Variants in MMP28 observed in about 807,000 individuals in gnomAD.
MMP28 encodes matrix metallopeptidase 28, also known as matrix metalloproteinase-28.
MMP28 carries 55 observed loss-of-function variants against 60.5 expected under a neutral mutation model. The observed-to-expected ratio is 0.91, with a 90% CI of 0.73 to 1.14. MMP28 has a LOEUF of 1.14. Among genes scored for constraint, MMP28 ranks in the 50% most tolerant of loss-of-function variants. MMP28 has a pLI of 0.00. For synonymous variants in MMP28, 318 were observed against 312.5 expected, an observed-to-expected ratio of 1.02 and a Z score of -0.18; for missense variants, 686 against 738.3, an observed-to-expected ratio of 0.93 and a Z score of 0.82.
At chr17:35,794,514 G>C (rs1042007585) in intron 1 of MMP28, among the ~76,000 whole-genome samples, 2 of 152,020 alleles carry the variant, frequency 1.3e-5, no homozygotes, top group African/African-American at 4.8e-5. Flanking sequence ...CCAAAGTGCT[G>C]GGATTACAGG....
At chr17:35,784,728 T>C (rs2086601626) in intron 1 of MMP28, among the ~76,000 whole-genome samples, 1 of 152,108 alleles carries the variant, frequency 6.6e-6, no homozygotes, top group Admixed American at 6.5e-5. Flanking sequence ...TTGGGGGCCA[T>C]TTTCCTTCTA....
chr17:35,769,929 A>G (rs2086067327), intron 5 of MMP28, 138 bp downstream of exon 5: 4 of 1,186,574 alleles, frequency 3.4e-6, no homozygotes, highest in Non-Finnish European at 4.6e-6. Flanking sequence ...GGGCTTTAGA[A>G]TTGGGACGAA....
At chr17:35,773,425 G>C in intron 3 of MMP28, 21 bp from the exon 4 acceptor site, 3 of 1,560,552 alleles carry the variant, frequency 1.9e-6, no homozygotes, top group Non-Finnish European at 2.6e-6. Context: ...GAAAGCCCAC[G>C]TCAGTCACAC....
chr17:35,795,314 C>G lies in MMP28; in HGVS notation c.64G>C (p.Ala22Pro). The change falls in exon 1 of 8, where the codon GCC (alanine) becomes CCC (proline). Residue 22 changes from alanine to proline, a missense_variant. Coordinates refer to ENST00000605424, the MANE Select transcript of MMP28 (RefSeq NM_024302.5). Reference sequence around the variant, plus strand: ...TGGCCTCCGCGCTCCGCGGGCTGGGCGTCCAGGTGGCCCCACAGTAGCAGC... The same window carrying G: ...TGGCCTCCGCGCTCCGCGGGCTGGGGGTCCAGGTGGCCCCACAGTAGCAGC... ...LQLLLWGHLD[A>P]QPAERGGQEL... The G allele has an allele frequency of 2.7e-6, 4 of 1,465,510 alleles. No individual in the cohort carries two copies. Among genetic ancestry groups the G allele is most frequent in the Non-Finnish European group, 3.6e-6 (4 of 1,109,328 alleles). The allele number at this position is 1,465,510 out of a possible 1,614,324, so 90.8% of individuals were successfully genotyped here.
In MMP28 at chr17:35,786,699, C is replaced by CAAAAA. The variant is rs200165337; in HGVS notation, c.112-7381_112-7377dup. ...GCCTCATAGTGAGATCCTGTCTCTA[C>CAAAAA]AAAAAAAAAAAAAAAAGATGAATGA... On this transcript the variant is annotated intron_variant, in intron 1 of 7. Coordinates refer to ENST00000605424, the MANE Select transcript of MMP28 (RefSeq NM_024302.5). Among the ~76,000 whole-genome samples the CAAAAA allele has an allele frequency of 6.2e-4, 44 of 71,062 alleles. 2 individuals are homozygous for CAAAAA. The highest frequency in any genetic ancestry group is 2.2e-3 in the African/African-American group (35 of 15,760). The allele number at this position is 71,062 out of a possible 152,430, so 46.6% of individuals were successfully genotyped here. A position where few individuals can be genotyped will look rare whatever the true frequency, so the allele number is the denominator to read the frequency against.
intron 3 of MMP28, among the ~76,000 whole-genome samples, chr17:35,775,897 G>A (rs763760763): frequency 5.3e-5 from 8 of 151,918 alleles, no homozygotes; most frequent in Non-Finnish European, 1.0e-4. Flanking sequence ...TTTTTGAGAC[G>A]GAGTCTTGCT....
At chr17:35,783,494 A>C (rs1339813613) in intron 1 of MMP28, among the ~76,000 whole-genome samples, 1 of 152,182 alleles carries the variant, frequency 6.6e-6, no homozygotes, top group Admixed American at 6.5e-5. Flanking sequence ...GGATGGACAG[A>C]GGACTTTCTA....
intron 1 of MMP28, among the ~76,000 whole-genome samples, chr17:35,785,474 G>A (rs546893798): frequency 6.6e-6 from 1 of 152,116 alleles, no homozygotes; most frequent in South Asian, 2.1e-4. Flanking sequence ...TTGAGACAGA[G>A]TCTCACTCTG....
chr17:35,760,818 G>T, intron 2 of MMP28: 1 of 1,182,804 alleles, frequency 8.5e-7, no homozygotes, highest in South Asian at 1.3e-5. Flanking sequence ...GGCAGGTGAG[G>T]TTCTAGCCCC....
rs537490377 is a variant in MMP28, at chr17:35,794,474, G to A, written c.111+793C>T. 2.8e-4 allele frequency among the ~76,000 whole-genome samples: 42 copies of A among 152,124 alleles called. 1 individual carries two copies. In the South Asian group the frequency reaches 8.7e-3, roughly 32 times the overall value. ...TTAGGCAGGCTGGTCTCGAACTCCT[G>A]ACCTAAGGTTATCCGCCCGCCTCAG... On this transcript the variant is annotated intron_variant, in intron 1 of 7. Coordinates refer to ENST00000605424, the MANE Select transcript of MMP28 (RefSeq NM_024302.5).
At chr17:35,769,277 G>T (rs1025889543) in intron 5 of MMP28, among the ~76,000 whole-genome samples, 1 of 152,192 alleles carries the variant, frequency 6.6e-6, no homozygotes, top group Non-Finnish European at 1.5e-5. Flanking sequence ...TCATGAAATA[G>T]TAGCTGTTAG....
chr17:35,779,081 A>T lies in MMP28; in HGVS notation c.192-6T>A, dbSNP rs780457429. On this transcript the variant is annotated splice_polypyrimidine_tract_variant and splice_region_variant and intron_variant, in intron 2 of 7. Transcript: ENST00000605424. ...GGGACACCCACTGAAACGCTCTGTC[A>T]GGAGGAAAGGACCGCAAGGGGAGGG... 13 of 1,613,212 alleles carry T rather than the reference A, an allele frequency of 8.1e-6. No homozygotes were observed. The highest frequency in any genetic ancestry group is 1.0e-5 in the Non-Finnish European group (12 of 1,179,440).
At chr17:35,765,337 G>C (rs1292320661), downstream of MMP28, among the ~76,000 whole-genome samples, 1 of 152,224 alleles carries the variant, frequency 6.6e-6, no homozygotes, top group African/African-American at 2.4e-5. Context: ...GGCTTGCTGA[G>C]GTCAGTGCTG....
intron 1 of MMP28, among the ~76,000 whole-genome samples, chr17:35,784,388 A>T (rs1246687658): frequency 6.6e-6 from 1 of 152,170 alleles, no homozygotes; most frequent in Non-Finnish European, 1.5e-5. Flanking sequence ...AATTTAAAAC[A>T]CATACAGGAA....
chr17:35,776,661 C>T (rs1355273006), intron 3 of MMP28, among the ~76,000 whole-genome samples: 1 of 151,824 alleles, frequency 6.6e-6, no homozygotes, highest in Non-Finnish European at 1.5e-5. Context: ...CCGAGGTGGG[C>T]GATCACCTAA....
In MMP28 at chr17:35,773,191, A is replaced by G. The variant is rs759605469; in HGVS notation, c.593T>C (p.Phe198Ser). 6 of 1,613,610 alleles carry G rather than the reference A, an allele frequency of 3.7e-6. No individual in the cohort carries two copies. The highest frequency in any genetic ancestry group is 1.6e-4 in the Middle Eastern group (1 of 6,084). The change falls in exon 4 of 8, where the codon TTT (phenylalanine) becomes TCT (serine). Residue 198 changes from phenylalanine (F) to serine (S), a missense_variant. Transcript: ENST00000605424. ...GDHNDGLGNA[F>S]DGPGGALAHA... The stretch of plus-strand genomic sequence containing the variant: ...CTTTGTGCCAGCACCTGGGCCATCA[A>G]AGGCATTGCCCAGCCCATCGTTGTG...
chr17:35,787,519 C>T (rs1024136323), intron 1 of MMP28, among the ~76,000 whole-genome samples: 1 of 152,082 alleles, frequency 6.6e-6, no homozygotes. Context: ...TAGTCAGAGT[C>T]TTGTTCTGTT....
At chr17:35,792,189 G>A (rs1183029815) in intron 1 of MMP28, among the ~76,000 whole-genome samples, 1 of 152,052 alleles carries the variant, frequency 6.6e-6, no homozygotes, top group Non-Finnish European at 1.5e-5. Flanking sequence ...CTCAGCAATC[G>A]TGGGGTCTAT....
chr17:35,781,439 G>C (rs1007182409), intron 1 of MMP28, among the ~76,000 whole-genome samples: 1 of 152,172 alleles, frequency 6.6e-6, no homozygotes, highest in Non-Finnish European at 1.5e-5. Context: ...TAAAGCTGTG[G>C]ACCAGGACGA....
Sources: gnomAD v4.1 joint callset for allele counts (sites outside exome capture counted in the v4.1 genomes callset) on GRCh38, gnomAD v4.1.1 for gene constraint, MANE v1.5 for transcripts, NCBI Gene and HGNC (gene_info 2026-07-23, HGNC 2026-07-21) for gene names.